PPARGC1A: variants seen among roughly 807,000 people sequenced by gnomAD.
PPARGC1A encodes peroxisome proliferator-activated receptor gamma coactivator 1-alpha.
Under a neutral mutation model 88.7 loss-of-function variants are expected in PPARGC1A, and 25 were observed. That is an observed-to-expected ratio of 0.28 (90% CI 0.21 to 0.39). The LOEUF is 0.39. Ranked by LOEUF, PPARGC1A falls within the 10% of genes least tolerant of loss-of-function variation. The pLI is 1.00. For missense variants in PPARGC1A, 880 were observed against 968.7 expected (o/e 0.91, Z 1.22); for synonymous variants, 363 against 355.6 (o/e 1.02, Z -0.24).
At chr4:24,220,260 T>C in the PPARGC1A span, among the ~76,000 whole-genome samples, 1 of 152,206 alleles carries the variant, frequency 6.6e-6, no homozygotes, top group Non-Finnish European at 1.5e-5. Context: ...AGGGAATGCT[T>C]ATACACTGTT....
chr4:24,257,888 C>T, the PPARGC1A span, among the ~76,000 whole-genome samples: 1 of 151,512 alleles, frequency 6.6e-6, no homozygotes, highest in Non-Finnish European at 1.5e-5. Flanking sequence ...ATAAAGACAC[C>T]TTATATTTAT....
chr4:23,997,348 CTTT>C, the PPARGC1A span, among the ~76,000 whole-genome samples: 4 of 151,452 alleles, frequency 2.6e-5, no homozygotes, highest in Non-Finnish European at 5.9e-5. Context: ...GGTAAAAATC[CTTT>C]TTTTTATCTA....
chr4:24,363,251 C>G, the PPARGC1A span, among the ~76,000 whole-genome samples: 8 of 151,384 alleles, frequency 5.3e-5, no homozygotes, highest in Non-Finnish European at 7.4e-5. Context: ...TTACCTGAGC[C>G]TCAATCTTTT....
At chr4:23,848,543 C>T (rs1560437662) in intron 2 of PPARGC1A, among the ~76,000 whole-genome samples, 1 of 151,994 alleles carries the variant, frequency 6.6e-6, no homozygotes, top group Non-Finnish European at 1.5e-5. Context: ...TAGAGGTGGC[C>T]CTGGAATAGA....
chr4:23,949,839 T>C, the PPARGC1A span, among the ~76,000 whole-genome samples: 1 of 152,140 alleles, frequency 6.6e-6, no homozygotes, highest in Non-Finnish European at 1.5e-5. Flanking sequence ...CATCACTCAT[T>C]CAAATGCATA....
chr4:23,832,783 T>C (rs769143105), intron 2 of PPARGC1A, among the ~76,000 whole-genome samples: 4 of 151,930 alleles, frequency 2.6e-5, no homozygotes, highest in Non-Finnish European at 5.9e-5. Context: ...CTAATTTTTT[T>C]GTATTTTTAG....
chr4:24,166,712 G>A, the PPARGC1A span, among the ~76,000 whole-genome samples: 1 of 152,150 alleles, frequency 6.6e-6, no homozygotes, highest in Non-Finnish European at 1.5e-5. Context: ...TCTATAAATG[G>A]AACAACAAAG....
chr4:24,122,070 G>A, the PPARGC1A span, among the ~76,000 whole-genome samples: 1 of 152,250 alleles, frequency 6.6e-6, no homozygotes, highest in South Asian at 2.1e-4. Context: ...GGGAATAGGG[G>A]AAGTGGACAG....
chr4:24,345,158 C>G, the PPARGC1A span, among the ~76,000 whole-genome samples: 1 of 152,078 alleles, frequency 6.6e-6, no homozygotes, highest in African/African-American at 2.4e-5. Context: ...GTGACTATAG[C>G]CTTATAGGAT....
the PPARGC1A span, among the ~76,000 whole-genome samples, chr4:24,387,876 GAGAA>G: frequency 8.8e-3 from 779 of 88,516 alleles, 37 homozygotes; most frequent in African/African-American, 0.027. Context: ...AAGGAAGAAA[GAGAA>G]AGAAAGAAAG....
the PPARGC1A span, among the ~76,000 whole-genome samples, chr4:23,922,014 G>A: frequency 6.6e-6 from 1 of 152,156 alleles, no homozygotes; most frequent in African/African-American, 2.4e-5. Context: ...TATGCACAAT[G>A]TTCATAAAAT....
the PPARGC1A span, among the ~76,000 whole-genome samples, chr4:24,286,028 C>A: frequency 1.6e-3 from 245 of 152,192 alleles, 2 homozygotes; most frequent in Middle Eastern, 6.8e-3. Context: ...AGCAGCAATC[C>A]CCTGAGGTTC....
At chr4:24,296,379 G>A in the PPARGC1A span, among the ~76,000 whole-genome samples, 1 of 152,032 alleles carries the variant, frequency 6.6e-6, no homozygotes, top group African/African-American at 2.4e-5. Context: ...TCTCACAAAT[G>A]TACTTTGAAA....
chr4:24,319,794 G>A, the PPARGC1A span, among the ~76,000 whole-genome samples: 4 of 152,172 alleles, frequency 2.6e-5, no homozygotes, highest in East Asian at 7.7e-4. Flanking sequence ...CTATTACGCT[G>A]TTGCAGAATG....
chr4:24,279,122 C>G, the PPARGC1A span, among the ~76,000 whole-genome samples: 1 of 152,210 alleles, frequency 6.6e-6, no homozygotes, highest in Non-Finnish European at 1.5e-5. Flanking sequence ...CCTTCCAATT[C>G]TATACTTCCG....
At chr4:24,046,008 A>G in the PPARGC1A span, among the ~76,000 whole-genome samples, 5 of 152,200 alleles carry the variant, frequency 3.3e-5, no homozygotes, top group East Asian at 9.6e-4. Flanking sequence ...ACATACTAAG[A>G]CTTCAATAAA....
At chr4:24,424,366 C>G in the PPARGC1A span, among the ~76,000 whole-genome samples, 2 of 145,810 alleles carry the variant, frequency 1.4e-5, no homozygotes, top group African/African-American at 5.0e-5. Context: ...AGCTCCACCT[C>G]CCGGGTTCAC....
chr4:23,908,779 C>T (rs1560550232), upstream of PPARGC1A, among the ~76,000 whole-genome samples: 1 of 152,114 alleles, frequency 6.6e-6, no homozygotes, highest in Admixed American at 6.5e-5. Flanking sequence ...CAATAACTAC[C>T]TTAGCTCCAT....
intron 2 of PPARGC1A, among the ~76,000 whole-genome samples, chr4:23,852,062 T>C (rs1729385125): frequency 6.6e-6 from 1 of 152,182 alleles, no homozygotes; most frequent in African/African-American, 2.4e-5. Context: ...AGCACATTTT[T>C]CTACTTGTCC....
Sources: allele counts gnomAD v4.1 joint callset (sites outside exome capture counted in the v4.1 genomes callset), GRCh38; gene constraint gnomAD v4.1.1; transcripts MANE v1.5; gene names NCBI Gene and HGNC (gene_info 2026-07-23, HGNC 2026-07-21).